The following MYOM1 variants were observed in gnomAD, a reference collection of about 807,000 sequenced individuals.
MYOM1 encodes myomesin 1, also known as myomesin-1.
Under a neutral mutation model 205.3 loss-of-function variants are expected in MYOM1, and 164 were observed. That is an observed-to-expected ratio of 0.80 (90% CI 0.70 to 0.91). The LOEUF (loss-of-function observed/expected upper bound fraction) is 0.91. Among genes scored for constraint, MYOM1 ranks in the 40% least tolerant of loss-of-function variants. The pLI, the probability that MYOM1 is intolerant of heterozygous loss-of-function variation, is 0.00. For missense variants in MYOM1, 2,011 were observed against 2,127.3 expected, an observed-to-expected ratio of 0.95 and a Z score of 1.08; for synonymous variants, 772 against 789.4, an observed-to-expected ratio of 0.98 and a Z score of 0.37.
intron 2 of MYOM1, among the ~76,000 whole-genome samples, chr18:3,197,795 C>T: frequency 6.6e-6 from 1 of 152,050 alleles, no homozygotes; most frequent in Non-Finnish European, 1.5e-5. Flanking sequence ...ATGGCGTGAA[C>T]CTGGGAGGCA....
chr18:3,086,164 C>T lies in MYOM1; in HGVS notation c.4138-13G>A. Reference sequence around the variant, plus strand: ...TAATATTTGCCACCTAGGAGAAAAACCATAATTACTTTTCTTAAAATAAGA... The same window carrying T: ...TAATATTTGCCACCTAGGAGAAAAATCATAATTACTTTTCTTAAAATAAGA... On this transcript the variant is annotated splice_polypyrimidine_tract_variant and intron_variant, in intron 29 of 37. Coordinates refer to ENST00000356443, the MANE Select transcript of MYOM1 (RefSeq NM_003803.4). 6.7e-7 allele frequency: 1 copy of T among 1,502,344 alleles called. No individual in the cohort carries two copies. Among genetic ancestry groups the T allele is most frequent in the Non-Finnish European group, 9.1e-7 (1 of 1,097,586 alleles). The allele number at this position is 1,502,344 out of a possible 1,614,324, so 93.1% of individuals were successfully genotyped here.
intron 29 of MYOM1, among the ~76,000 whole-genome samples, chr18:3,087,704 G>A (rs546593828): frequency 6.6e-6 from 1 of 152,172 alleles, no homozygotes; most frequent in South Asian, 2.1e-4. Flanking sequence ...TGGCCAGGCT[G>A]GTCTTGAAGT....
chr18:3,208,765 A>G (rs1218397431), intron 2 of MYOM1, among the ~76,000 whole-genome samples: 2 of 152,168 alleles, frequency 1.3e-5, no homozygotes, highest in Non-Finnish European at 2.9e-5. Context: ...AAGCAATAAA[A>G]TCGTTTCTAA....
intron 18 of MYOM1, among the ~76,000 whole-genome samples, chr18:3,128,637 G>A (rs992608064): frequency 1.3e-5 from 2 of 151,920 alleles, no homozygotes; most frequent in Admixed American, 6.6e-5. Context: ...TCAAAAAGTA[G>A]TAGGTAAGTA....
In MYOM1 at chr18:3,129,423, GT is replaced by G; in HGVS notation, c.2602del (p.Thr868ProfsTer29). ...GCCAAGCAAAGCATCTTTCTGGAAG[GT>G]TGGCGGGGAGGCTTCATGCACGCGC... ...RGRVHEASPP[T>X]FQKDALLGSK... is the part of the protein sequence containing the mutation. On this transcript the variant is annotated frameshift_variant, in exon 18 of 38. Transcript: ENST00000356443. LOFTEE classifies it high-confidence loss of function. 6.2e-7 allele frequency: 1 copy of G among 1,613,994 alleles called. No individual in the cohort carries two copies. Among genetic ancestry groups the G allele is most frequent in the Non-Finnish European group, 8.5e-7 (1 of 1,179,898 alleles).
At chr18:3,086,192 G>C (rs1340067869) in intron 29 of MYOM1, 41 bp from the exon 30 acceptor site, 2 of 1,282,786 alleles carry the variant, frequency 1.6e-6, no homozygotes, top group African/African-American at 2.9e-5. Flanking sequence ...AAATAAGAAA[G>C]TGTACTCTTG....
chr18:3,215,898 TAGAG>T lies in MYOM1; in HGVS notation c.-28-651_-28-648del, dbSNP rs1371785577. On this transcript the variant is annotated intron_variant, in intron 1 of 37. Transcript: ENST00000356443. ...CTTCATTTGGGAGAATGTGGAAGGATAGAGAGTCATGTGGTGTTCATTCAACAAA... is the reference window on the plus strand; with the variant it reads ...CTTCATTTGGGAGAATGTGGAAGGATAGTCATGTGGTGTTCATTCAACAAA... Among the ~76,000 whole-genome samples the T allele has an allele frequency of 6.6e-5, 10 of 152,300 alleles. No homozygotes were observed. The South Asian group carries it at 1.0e-3, about 16-fold the overall frequency.
In MYOM1 at chr18:3,214,982, T is replaced by G. The variant is rs1367426610; in HGVS notation, c.242A>C (p.Glu81Ala). The G allele has an allele frequency of 6.2e-7, 1 of 1,610,526 alleles. No homozygotes were observed. The highest frequency in any genetic ancestry group is 8.5e-7 in the Non-Finnish European group (1 of 1,178,020). The change falls in exon 2 of 38, where the codon GAA becomes GCA. Residue 81 changes from glutamate to alanine, a missense_variant. Physicochemically the swap from Glu to Ala is moderately radical, Grantham distance 107 (BLOSUM62 -1). Transcript: ENST00000356443. ...GGCTGAGGCTGCCTTCCGACTGACT[T>G]CAGAGCTCAGGGCGTGCTGCGAGGC... is the stretch of plus-strand genomic sequence containing the variant. ...QQASQHALSSEVSRKAASAYD... is the reference protein window; with the variant it reads ...QQASQHALSSAVSRKAASAYD...
intron 13 of MYOM1, among the ~76,000 whole-genome samples, chr18:3,146,935 C>T (rs1352838551): frequency 6.6e-6 from 1 of 150,734 alleles, no homozygotes; most frequent in East Asian, 1.9e-4. Context: ...GGATGCAGGA[C>T]ACAAAATCAA....
Position 3,086,032 on chromosome 18 carries a change from G to T in MYOM1, c.4251+6C>A. 1.9e-6 allele frequency: 3 copies of T among 1,541,388 alleles called. No individual in the cohort carries two copies. Among genetic ancestry groups the T allele is most frequent in the Non-Finnish European group, 2.7e-6 (3 of 1,118,782 alleles). ...TATATTACATTTTACATTTATAATC[G>T]CCTACCTCTGTTATAAGCAGGGTAC... On this transcript the variant is annotated splice_donor_region_variant and intron_variant, in intron 30 of 37. Coordinates refer to ENST00000356443, the MANE Select transcript of MYOM1 (RefSeq NM_003803.4).
intron 10 of MYOM1, 83 bp from the exon 11 acceptor site, chr18:3,155,171 C>A: frequency 7.3e-7 from 1 of 1,366,904 alleles, no homozygotes; most frequent in Non-Finnish European, 9.8e-7. Flanking sequence ...ACGCTTCTTA[C>A]CACATCATCA....
intron 2 of MYOM1, among the ~76,000 whole-genome samples, chr18:3,211,626 A>G (rs2081191492): frequency 6.6e-6 from 1 of 152,170 alleles, no homozygotes; most frequent in African/African-American, 2.4e-5. Context: ...TGTTTTCCTA[A>G]ATTATTTTCT....
chr18:3,216,220 T>C (rs1362438551), intron 1 of MYOM1, among the ~76,000 whole-genome samples: 1 of 152,156 alleles, frequency 6.6e-6, no homozygotes, highest in Non-Finnish European at 1.5e-5. Context: ...TGAGCCGAGG[T>C]TGCGCCACTG....
At chr18:3,215,521 T>G (rs2081254080) in intron 1 of MYOM1, among the ~76,000 whole-genome samples, 1 of 152,100 alleles carries the variant, frequency 6.6e-6, no homozygotes, top group Non-Finnish European at 1.5e-5. Context: ...GAGGATTGCT[T>G]GAGCCCAAGA....
chr18:3,122,676 A>G (rs2079713477), intron 19 of MYOM1, among the ~76,000 whole-genome samples: 1 of 152,222 alleles, frequency 6.6e-6, no homozygotes, highest in Non-Finnish European at 1.5e-5. Flanking sequence ...AGGTGATATA[A>G]ACAGAGTATA....
Position 3,119,966 on chromosome 18 carries a change from A to G in MYOM1, c.3021T>C (p.Tyr1007=), listed in dbSNP as rs760314920. 4.4e-6 allele frequency: 7 copies of G among 1,607,444 alleles called. No homozygotes were observed. The highest frequency in any genetic ancestry group is 5.9e-6 in the Non-Finnish European group (7 of 1,176,844). Residue 1007 remains tyrosine (Y), a synonymous_variant, in exon 20 of 38, where the codon TAT becomes TAC. Transcript: ENST00000356443. ...TGTTCATGGCTGCCACTTGGAACTG[A>G]TACACCATGTTTTCCTTCAAGTTGC... is the stretch of plus-strand genomic sequence containing the variant. The part of the protein sequence containing the change: ...KISNLKENMV[Y]QFQVAAMNMA...
At chr18:3,222,346 C>T (rs78802088), upstream of MYOM1, among the ~76,000 whole-genome samples, 1,986 of 152,276 alleles carry the variant, frequency 0.013, 20 homozygotes, top group Middle Eastern at 0.037. Context: ...CTAGATGATG[C>T]CACAGCAGAA....
chr18:3,070,137 T>C (rs866173361), intron 37 of MYOM1, among the ~76,000 whole-genome samples: 5 of 152,194 alleles, frequency 3.3e-5, no homozygotes, highest in Admixed American at 1.3e-4. Context: ...GTTAAACTTG[T>C]TTTAATTTAT....
intron 36 of MYOM1, among the ~76,000 whole-genome samples, chr18:3,073,435 T>A (rs2078984334): frequency 6.6e-6 from 1 of 152,230 alleles, no homozygotes; most frequent in African/African-American, 2.4e-5. Flanking sequence ...CTGTCTACAA[T>A]TCCCTTCTCC....
Sources: gnomAD v4.1 joint callset for allele counts (sites outside exome capture counted in the v4.1 genomes callset) on GRCh38, gnomAD v4.1.1 for gene constraint, MANE v1.5 for transcripts, NCBI Gene and HGNC (gene_info 2026-07-23, HGNC 2026-07-21) for gene names.